Variants in YWHAZ observed in about 807,000 individuals in gnomAD.
YWHAZ encodes the protein 14-3-3 protein zeta/delta.
For missense variants in YWHAZ, 79 were observed against 284.8 expected (o/e 0.28, Z 5.20); for synonymous variants, 87 against 103.6 (o/e 0.84, Z 0.97).
intron 1 of YWHAZ, chr8:100,951,345 C>T (rs1227915736): frequency 1.0e-6 from 1 of 984,602 alleles, no homozygotes; most frequent in Admixed American, 6.2e-5. Context: ...GCCACCGCCT[C>T]CCGGGGTGGG....
intron 2 of YWHAZ, among the ~76,000 whole-genome samples, chr8:100,939,989 C>T (rs1324328351): frequency 1.3e-5 from 2 of 151,224 alleles, no homozygotes; most frequent in Non-Finnish European, 2.9e-5. Context: ...CGCCACTGCA[C>T]TCCAGCCTGG....
chr8:100,918,712 T>A lies in YWHAZ; in HGVS notation c.*1981A>T, dbSNP rs1812827176. On this transcript the variant is annotated 3_prime_UTR_variant, in exon 6 of 6. Transcript: ENST00000395958. ...GGATTTCAGTTTCTCACCCTTATCA[T>A]CAAGACTCACTGCCTCCCATCATCA... is the stretch of plus-strand genomic sequence containing the variant. 1 of 152,406 alleles carries A rather than the reference T, an allele frequency of 6.6e-6. No individual in the cohort carries two copies. Among genetic ancestry groups the A allele is most frequent in the African/African-American group, 2.4e-5 (1 of 41,400 alleles). The allele number at this position is 152,406 out of a possible 1,614,324, so 9.4% of individuals were successfully genotyped here.
chr8:100,921,161 G>A (rs1052573800), intron 5 of YWHAZ, among the ~76,000 whole-genome samples: 3 of 152,140 alleles, frequency 2.0e-5, no homozygotes, highest in Admixed American at 2.0e-4. Context: ...AGCCTCCTGA[G>A]TAGCTGGGAC....
intron 2 of YWHAZ, among the ~76,000 whole-genome samples, chr8:100,938,972 G>A (rs1381155932): frequency 1.3e-5 from 2 of 152,186 alleles, no homozygotes; most frequent in African/African-American, 4.8e-5. Flanking sequence ...CTATAAATAA[G>A]GTCATCTATA....
intron 2 of YWHAZ, among the ~76,000 whole-genome samples, chr8:100,932,816 A>T (rs1813848733): frequency 1.3e-5 from 2 of 152,304 alleles, no homozygotes; most frequent in East Asian, 3.9e-4. Flanking sequence ...TCACTGAAAG[A>T]TGTCTATTTA....
chr8:100,950,308 CAAGAGG>C, intron 1 of YWHAZ: 1 of 902,826 alleles, frequency 1.1e-6, no homozygotes, highest in Non-Finnish European at 1.3e-6. Context: ...CACTTCGGTA[CAAGAGG>C]AAGTGGATAA....
At chr8:100,950,496 C>T (rs55685528) in intron 1 of YWHAZ, 65,533 of 985,544 alleles carry the variant, frequency 0.066, 2,396 homozygotes, top group East Asian at 0.15. Flanking sequence ...GCAACCACCC[C>T]CCTCCAGGCT....
chr8:100,947,513 CAAGT>C (rs964786569), intron 2 of YWHAZ, among the ~76,000 whole-genome samples: 42 of 152,204 alleles, frequency 2.8e-4, no homozygotes, highest in African/African-American at 8.4e-4. Context: ...AAGACAGTGT[CAAGT>C]AAGTATCATT....
At chr8:100,937,285 CTTTT>C (rs574435172) in intron 2 of YWHAZ, among the ~76,000 whole-genome samples, 2 of 142,638 alleles carry the variant, frequency 1.4e-5, no homozygotes, top group East Asian at 4.1e-4. Flanking sequence ...CCTTTATATG[CTTTT>C]TTTTTTTCAA....
intron 5 of YWHAZ, chr8:100,923,288 AAGG>A (rs1240769786): frequency 3.9e-5 from 6 of 152,232 alleles, no homozygotes; most frequent in African/African-American, 9.6e-5. Flanking sequence ...TATTTATCTG[AAGG>A]AGAAGAATGA....
rs1812924822 is a variant in YWHAZ at position 100,920,372 on chromosome 8, G to C, written c.*321C>G. 1 of 275,806 alleles carries C rather than the reference G, an allele frequency of 3.6e-6. No homozygotes were observed. Among genetic ancestry groups the C allele is most frequent in the Non-Finnish European group, 6.8e-6 (1 of 146,942 alleles). The allele number at this position is 275,806 out of a possible 1,614,324, so 17.1% of individuals were successfully genotyped here. On this transcript the variant is annotated 3_prime_UTR_variant, in exon 6 of 6. Transcript: ENST00000395958. The stretch of plus-strand genomic sequence containing the variant: ...GTATGTAGGCAGTTTTCTTTGCTTA[G>C]ACATGGAAGCAGTTTTACACTGGCC...
intron 5 of YWHAZ, chr8:100,923,750 A>T (rs924394228): frequency 1.1e-5 from 5 of 439,292 alleles, no homozygotes; most frequent in African/African-American, 1.0e-4. Flanking sequence ...CAATGTGTGT[A>T]TTTTTTAGTT....
Position 100,948,490 on chromosome 8 carries a change from C to A in YWHAZ, c.294+106G>T. On this transcript the variant is annotated intron_variant, in intron 2 of 5. Transcript: ENST00000395958. This position sits in a 1 kb window ranked among gnomAD's most constrained non-coding sequence, Gnocchi z 4.2. ...TGAAGACTTTTAAATTTGGAACACA[C>A]AATGTTTAGAAGGAAAAGAAAAACC... 2 of 1,279,500 alleles carry A rather than the reference C, an allele frequency of 1.6e-6. No individual in the cohort carries two copies. Among genetic ancestry groups the A allele is most frequent in the Non-Finnish European group, 1.1e-6 (1 of 931,334 alleles). The allele number at this position is 1,279,500 out of a possible 1,614,324, so 79.3% of individuals were successfully genotyped here. A position where few individuals can be genotyped will look rare whatever the true frequency, so the allele number is the denominator to read the frequency against.
intron 2 of YWHAZ, among the ~76,000 whole-genome samples, chr8:100,940,888 A>G (rs767478417): frequency 8.5e-5 from 13 of 152,254 alleles, no homozygotes; most frequent in Non-Finnish European, 1.6e-4. Context: ...GGTAGTATAC[A>G]CTTTAGTATC....
chr8:100,932,107 ATAT>A (rs1232411328), intron 2 of YWHAZ: 10 of 152,360 alleles, frequency 6.6e-5, no homozygotes, highest in African/African-American at 7.2e-5. Flanking sequence ...TAAAAGGCAA[ATAT>A]TAGTAGTAGA....
intron 2 of YWHAZ, 67 bp from the exon 3 acceptor site, chr8:100,925,106 C>T: frequency 6.7e-7 from 1 of 1,503,264 alleles, no homozygotes; most frequent in Non-Finnish European, 8.9e-7. Context: ...ACTTGCATTT[C>T]TTAAAGAACA....
Position 100,948,567 on chromosome 8 carries a change from TA to T in YWHAZ, c.294+28del, listed in dbSNP as rs772324520. On this transcript the variant is annotated intron_variant, in intron 2 of 5. Transcript: ENST00000395958. This position sits in a 1 kb window ranked among gnomAD's most constrained non-coding sequence, Gnocchi z 4.2. ...TGATACTCATAGGGACCCTACAGTA[TA>T]ATGAAGCCAGACTGAATTGATTCTC... is the stretch of plus-strand genomic sequence containing the variant. 1.9e-6 allele frequency: 3 copies of T among 1,604,408 alleles called. No individual in the cohort carries two copies. Among genetic ancestry groups the T allele is most frequent in the East Asian group, 2.2e-5 (1 of 44,802 alleles).
intron 1 of YWHAZ, among the ~76,000 whole-genome samples, chr8:100,949,763 T>C (rs1810572302): frequency 1.3e-5 from 2 of 152,208 alleles, no homozygotes; most frequent in South Asian, 4.1e-4. Context: ...TAATTGGATG[T>C]TACCACTCAA....
At chr8:100,926,699 C>G (rs905070070) in intron 2 of YWHAZ, among the ~76,000 whole-genome samples, 1 of 152,196 alleles carries the variant, frequency 6.6e-6, no homozygotes, top group East Asian at 1.9e-4. Context: ...CTGTCTTACA[C>G]CACATTCATA....
Sources: allele counts gnomAD v4.1 joint callset (sites outside exome capture counted in the v4.1 genomes callset), GRCh38; gene constraint gnomAD v4.1.1; non-coding constraint Gnocchi (gnomAD v3.1); transcripts MANE v1.5; gene names NCBI Gene and HGNC (gene_info 2026-07-23, HGNC 2026-07-21).